DRAM1: variants seen among roughly 807,000 people sequenced by gnomAD.
The protein encoded by DRAM1 is DNA damage-regulated autophagy modulator protein 1.
Under a neutral mutation model 28.5 loss-of-function variants are expected in DRAM1, and 25 were observed. The observed-to-expected ratio is 0.88, with a 90% confidence interval of 0.64 to 1.23. The LOEUF (loss-of-function observed/expected upper bound fraction) is 1.23. Ranked by LOEUF, DRAM1 falls within the 50% of genes most tolerant of loss-of-function variation. The pLI is 0.00. For synonymous variants in DRAM1, 113 were observed against 114.2 expected, an observed-to-expected ratio of 0.99 and a Z score of 0.07; for missense variants, 249 against 299.2, an observed-to-expected ratio of 0.83 and a Z score of 1.24.
In DRAM1 at chr12:101,922,240, A is replaced by G. The variant is rs61936586; in HGVS notation, c.*980A>G. On this transcript the variant is annotated 3_prime_UTR_variant, in exon 7 of 7. Transcript: ENST00000258534. ...CTGTGGCTGGATGTCCCACAACACT[A>G]TAAGAAATATAAGTCAAGCCCTTTG... 0.023 allele frequency: 3,458 copies of G among 152,348 alleles called. 68 individuals are homozygous for G. Among genetic ancestry groups the G allele is most frequent in the Middle Eastern group, 0.058 (17 of 294 alleles). 9.4% of individuals were successfully genotyped at this position (152,348 alleles called of 1,614,324 possible).
intron 1 of DRAM1, among the ~76,000 whole-genome samples, chr12:101,889,104 C>T (rs528420203): frequency 1.3e-5 from 2 of 152,096 alleles, no homozygotes; most frequent in African/African-American, 2.4e-5. Flanking sequence ...TGCCTGGCCT[C>T]AATCTCAATT....
At chr12:101,894,959 G>A (rs1028174916) in intron 1 of DRAM1, among the ~76,000 whole-genome samples, 4 of 152,066 alleles carry the variant, frequency 2.6e-5, no homozygotes, top group African/African-American at 7.2e-5. Flanking sequence ...TATACCCTCA[G>A]GCCAAGGCAG....
At chr12:101,884,456 T>A (rs1441616573) in intron 1 of DRAM1, among the ~76,000 whole-genome samples, 5 of 151,948 alleles carry the variant, frequency 3.3e-5, no homozygotes, top group Non-Finnish European at 5.9e-5. Flanking sequence ...TAGTTTCTTA[T>A]CAAATTATTA....
At chr12:101,893,278 G>A (rs533757857) in intron 1 of DRAM1, among the ~76,000 whole-genome samples, 13 of 152,248 alleles carry the variant, frequency 8.5e-5, no homozygotes, top group South Asian at 6.2e-4. Context: ...CCAACTCCAC[G>A]TTCAGTGACC....
At chr12:101,886,330 A>T (rs886122981) in intron 1 of DRAM1, among the ~76,000 whole-genome samples, 2 of 152,152 alleles carry the variant, frequency 1.3e-5, no homozygotes, top group Non-Finnish European at 2.9e-5. Flanking sequence ...AGGTTACTTG[A>T]CTTCTCTCTG....
chr12:101,886,446 T>C (rs1872890625), intron 1 of DRAM1, among the ~76,000 whole-genome samples: 1 of 152,208 alleles, frequency 6.6e-6, no homozygotes, highest in Non-Finnish European at 1.5e-5. Context: ...GCACTTGCTA[T>C]TAGTATTATC....
Position 101,877,851 on chromosome 12 carries a change from C to T in DRAM1, c.62C>T (p.Ala21Val). ...TTCCTCTTGGTGACCTGGTCGTCAGCCGCCTTCATTATCTCCTACGTGGTC... is the reference window on the plus strand; with the variant it reads ...TTCCTCTTGGTGACCTGGTCGTCAGTCGCCTTCATTATCTCCTACGTGGTC... ...VPFLLVTWSS[A>V]AFIISYVVAV... Residue 21 changes from alanine to valine, a missense_variant, in exon 1 of 7, where the codon GCC becomes GTC. Coordinates refer to ENST00000258534, the MANE Select transcript of DRAM1 (RefSeq NM_018370.3). This position sits in a 1 kb window ranked among gnomAD's most constrained non-coding sequence, Gnocchi z 4.1. The T allele has an allele frequency of 6.5e-7, 1 of 1,547,588 alleles. No individual in the cohort carries two copies. Among genetic ancestry groups the T allele is most frequent in the Non-Finnish European group, 8.7e-7 (1 of 1,144,926 alleles).
intron 2 of DRAM1, among the ~76,000 whole-genome samples, chr12:101,900,301 C>A (rs1051536459): frequency 6.6e-6 from 1 of 152,016 alleles, no homozygotes; most frequent in Non-Finnish European, 1.5e-5. Flanking sequence ...ATTTTTTAAA[C>A]CTTGGAATAG....
chr12:101,888,643 A>G (rs987848154), intron 1 of DRAM1, among the ~76,000 whole-genome samples: 4 of 152,154 alleles, frequency 2.6e-5, no homozygotes, highest in African/African-American at 4.8e-5. Flanking sequence ...TTTCCCTGTC[A>G]TTTGGGTACA....
chr12:101,889,027 T>G (rs752000553), intron 1 of DRAM1, among the ~76,000 whole-genome samples: 1 of 151,994 alleles, frequency 6.6e-6, no homozygotes, highest in Non-Finnish European at 1.5e-5. Flanking sequence ...GGTCTTGAAC[T>G]CCTGGGCTCA....
intron 5 of DRAM1, 57 bp from the exon 6 acceptor site, chr12:101,920,052 A>G (rs1874418216): frequency 5.8e-6 from 7 of 1,205,380 alleles, no homozygotes; most frequent in Non-Finnish European, 1.2e-6. Flanking sequence ...GTATTTCAGT[A>G]TGTACATTAA....
At chr12:101,913,548 A>T (rs960188632) in intron 4 of DRAM1, among the ~76,000 whole-genome samples, 2 of 152,014 alleles carry the variant, frequency 1.3e-5, no homozygotes, top group Admixed American at 1.3e-4. Context: ...TCTACTAAAA[A>T]TACAAAAAAT....
In DRAM1 at chr12:101,901,376, G is replaced by A. The variant is rs1873598378; in HGVS notation, c.285G>A (p.Val95=). ...TCAGCACTCCTGTTTTTAACTTGGT[G>A]TCTTTAGTGCTTGGATTGGTGGGAT... ...CYFSTPVFNL[V]SLVLGLVGCF... The change falls in exon 3 of 7, where the codon GTG becomes GTA. Residue 95 remains valine, a synonymous_variant. Coordinates refer to ENST00000258534, the MANE Select transcript of DRAM1 (RefSeq NM_018370.3). The A allele has an allele frequency of 6.2e-7, 1 of 1,614,024 alleles. No homozygotes were observed. The highest frequency in any genetic ancestry group is 1.3e-5 in the African/African-American group (1 of 74,902).
rs376684607 is a variant in DRAM1 at position 101,895,080 on chromosome 12, C to T, written c.132-2783C>T. Among the ~76,000 whole-genome samples the T allele has an allele frequency of 1.2e-3, 188 of 152,096 alleles. 2 individuals carry two copies. The South Asian group carries it at 0.038, about 31-fold the overall frequency. ...CTGGTTCCCATTCCTGTCTCTCTGC[C>T]CATTCAGCATTGTGCTCAGAAGGGC... On this transcript the variant is annotated intron_variant, in intron 1 of 6. Transcript: ENST00000258534.
intron 2 of DRAM1, among the ~76,000 whole-genome samples, 181 bp downstream of exon 2, chr12:101,898,111 G>C (rs186271631): frequency 1.1e-3 from 160 of 152,142 alleles, no homozygotes; most frequent in African/African-American, 3.6e-3. Context: ...GCCTCAACCT[G>C]CCAGGCTCAA....
chr12:101,892,292 G>A (rs1873164705), intron 1 of DRAM1, among the ~76,000 whole-genome samples: 1 of 151,436 alleles, frequency 6.6e-6, no homozygotes, highest in Non-Finnish European at 1.5e-5. Flanking sequence ...CTGGTATGCA[G>A]TGGTGCGATC....
At chr12:101,882,838 T>G (rs1335756166) in intron 1 of DRAM1, among the ~76,000 whole-genome samples, 5 of 42,844 alleles carry the variant, frequency 1.2e-4, no homozygotes, top group African/African-American at 7.1e-4. Context: ...CAACAGCCTT[T>G]TTTTTTTTTT....
chr12:101,899,068 C>T (rs1008875575), intron 2 of DRAM1, among the ~76,000 whole-genome samples: 2 of 152,190 alleles, frequency 1.3e-5, no homozygotes, highest in Admixed American at 1.3e-4. Flanking sequence ...TTCTGTTCCT[C>T]TCTACTGGTA....
intron 2 of DRAM1, among the ~76,000 whole-genome samples, chr12:101,898,947 A>T (rs552273043): frequency 1.6e-4 from 24 of 152,322 alleles, no homozygotes; most frequent in African/African-American, 5.3e-4. Context: ...GTCTTCTATA[A>T]GGTGATTCAA....
Sources: gnomAD v4.1 joint callset for allele counts (sites outside exome capture counted in the v4.1 genomes callset) on GRCh38, gnomAD v4.1.1 for gene constraint, Gnocchi (gnomAD v3.1) non-coding constraint, MANE v1.5 for transcripts, NCBI Gene and HGNC (gene_info 2026-07-23, HGNC 2026-07-21) for gene names.